The following CTNNA2 variants were observed in gnomAD, a reference collection of about 807,000 sequenced individuals.
CTNNA2 encodes the protein catenin alpha-2.
A neutral mutation model predicts 101.0 loss-of-function variants in CTNNA2; 42 were observed. The observed-to-expected ratio is 0.42, with a 90% CI of 0.32 to 0.54. The LOEUF is 0.54. Ranked by LOEUF, CTNNA2 falls within the 20% of genes least tolerant of loss-of-function variation. The pLI is 0.14. For synonymous variants in CTNNA2, 450 were observed against 456.4 expected, an observed-to-expected ratio of 0.99 and a Z score of 0.18; for missense variants, 871 against 1,223.1, an observed-to-expected ratio of 0.71 and a Z score of 4.29.
chr2:80,232,341 G>GGTTTTTTTTTTTTTTTTTT (rs1709276153), intron 7 of CTNNA2, among the ~76,000 whole-genome samples: 1 of 82,062 alleles, frequency 1.2e-5, no homozygotes, highest in African/African-American at 3.3e-5. Flanking sequence ...TTGTTTGTTT[G>GGTTTTTTTTTTTTTTTTTT]TTTGTTTTTT....
At chr2:80,389,900 T>G (rs1251989113) in intron 7 of CTNNA2, among the ~76,000 whole-genome samples, 1 of 152,118 alleles carries the variant, frequency 6.6e-6, no homozygotes, top group Non-Finnish European at 1.5e-5. Context: ...ATCACAAATA[T>G]TACACAAACA....
chr2:79,963,090 A>C (rs1406436410), intron 7 of CTNNA2, among the ~76,000 whole-genome samples: 2 of 151,790 alleles, frequency 1.3e-5, no homozygotes, highest in Non-Finnish European at 2.9e-5. Flanking sequence ...AAAAAAAAAA[A>C]AAAAAATGTT....
intron 7 of CTNNA2, among the ~76,000 whole-genome samples, chr2:79,961,068 A>T (rs1228044330): frequency 1.3e-5 from 2 of 152,218 alleles, no homozygotes; most frequent in East Asian, 1.9e-4. Context: ...TGGATATAAG[A>T]TCTTTGATTT....
chr2:79,494,623 ACT>A (rs1671236672), intron 4 of CTNNA2, among the ~76,000 whole-genome samples: 1 of 152,266 alleles, frequency 6.6e-6, no homozygotes, highest in East Asian at 1.9e-4. Context: ...AAGAATTTGT[ACT>A]CTTTGTTTGC....
chr2:80,175,952 C>T (rs1056795570), intron 7 of CTNNA2, among the ~76,000 whole-genome samples: 4 of 152,208 alleles, frequency 2.6e-5, no homozygotes, highest in African/African-American at 9.6e-5. Flanking sequence ...TTCCACATTC[C>T]TCTGCCTGCT....
chr2:79,245,608 T>C (rs1674689809), intron 2 of CTNNA2, among the ~76,000 whole-genome samples: 2 of 152,240 alleles, frequency 1.3e-5, no homozygotes, highest in African/African-American at 4.8e-5. Flanking sequence ...TTTGGTATGG[T>C]GCATTTCAGT....
intron 4 of CTNNA2, among the ~76,000 whole-genome samples, chr2:79,468,188 A>G (rs1359920054): frequency 2.6e-5 from 4 of 152,200 alleles, no homozygotes; most frequent in African/African-American, 7.2e-5. Context: ...AGGAAGATCT[A>G]CCGAGCAAAT....
intron 7 of CTNNA2, among the ~76,000 whole-genome samples, chr2:80,108,187 A>G (rs1189637519): frequency 6.6e-6 from 1 of 152,204 alleles, no homozygotes. Context: ...ATCAAATAAG[A>G]GGAGCCCAGA....
chr2:80,147,160 T>C (rs1703398571), intron 7 of CTNNA2, among the ~76,000 whole-genome samples: 1 of 151,992 alleles, frequency 6.6e-6, no homozygotes, highest in Admixed American at 6.6e-5. Context: ...GAGATGGGAT[T>C]TCACTATGTT....
intron 3 of CTNNA2, among the ~76,000 whole-genome samples, chr2:79,364,740 G>A (rs570978625): frequency 3.8e-4 from 58 of 152,220 alleles, no homozygotes; most frequent in South Asian, 1.7e-3. Flanking sequence ...TCCATCAACT[G>A]TACTTTTATG....
At chr2:79,359,241 G>A (rs1677573575) in intron 3 of CTNNA2, among the ~76,000 whole-genome samples, 1 of 152,174 alleles carries the variant, frequency 6.6e-6, no homozygotes, top group Non-Finnish European at 1.5e-5. Context: ...GCTGCAAGAG[G>A]GGTGTTGTGA....
At chr2:79,189,452 C>T (rs1673823956) in intron 1 of CTNNA2, among the ~76,000 whole-genome samples, 1 of 152,064 alleles carries the variant, frequency 6.6e-6, no homozygotes. Flanking sequence ...ATTTTCTTCT[C>T]TGTTCTTTTA....
At chr2:80,360,747 A>G (rs1255785443) in intron 7 of CTNNA2, among the ~76,000 whole-genome samples, 1 of 152,054 alleles carries the variant, frequency 6.6e-6, no homozygotes, top group Non-Finnish European at 1.5e-5. Flanking sequence ...TATTTTTTTA[A>G]TGAAGTTAAA....
chr2:80,634,541 G>T (rs113841266), intron 18 of CTNNA2, among the ~76,000 whole-genome samples: 3 of 146,918 alleles, frequency 2.0e-5, no homozygotes, highest in African/African-American at 7.6e-5. Context: ...GATAGATTTG[G>T]ATTTAACTCA....
chr2:80,326,393 C>T lies in CTNNA2; in HGVS notation c.1057-66818C>T, dbSNP rs1390383524. Among the ~76,000 whole-genome samples the T allele has an allele frequency of 2.0e-5, 3 of 152,260 alleles. No individual in the cohort carries two copies. The South Asian group carries it at 6.2e-4, about 32-fold the overall frequency. The stretch of plus-strand genomic sequence containing the variant: ...TAGTGTCAAATGTCATTCTTTTCAT[C>T]CTCCAGCAGATGGCAACTCTAGTCT... On this transcript the variant is annotated intron_variant, in intron 7 of 18. Transcript: ENST00000402739.
chr2:80,100,885 A>G (rs1700500612), intron 7 of CTNNA2, among the ~76,000 whole-genome samples: 1 of 152,194 alleles, frequency 6.6e-6, no homozygotes, highest in South Asian at 2.1e-4. Context: ...CATTTTGAGC[A>G]AAGATCATTT....
chr2:80,506,845 G>T (rs966008988), intron 9 of CTNNA2, among the ~76,000 whole-genome samples: 3 of 152,152 alleles, frequency 2.0e-5, no homozygotes, highest in African/African-American at 7.2e-5. Context: ...CTTATAAAAT[G>T]ACTATAGAAG....
intron 4 of CTNNA2, among the ~76,000 whole-genome samples, chr2:79,377,026 G>C (rs11126717): frequency 0.75 from 111,810 of 148,742 alleles, 42,225 homozygotes; most frequent in South Asian, 0.82. Flanking sequence ...GGGTCAAATG[G>C]TATTTCTAGT....
At chr2:80,631,247 T>A (rs1672253432) in intron 18 of CTNNA2, among the ~76,000 whole-genome samples, 1 of 152,172 alleles carries the variant, frequency 6.6e-6, no homozygotes, top group Admixed American at 6.6e-5. Flanking sequence ...TTAATGTTTA[T>A]CTTTGTTCCT....
Sources: allele counts gnomAD v4.1 joint callset (sites outside exome capture counted in the v4.1 genomes callset), GRCh38; gene constraint gnomAD v4.1.1; transcripts MANE v1.5; gene names NCBI Gene and HGNC (gene_info 2026-07-23, HGNC 2026-07-21).